Variants in SLC35D4 observed in about 807,000 individuals in gnomAD.
The protein encoded by SLC35D4 is UDP-N-acetylglucosamine transporter SLC35D4.
the SLC35D4 span, among the ~76,000 whole-genome samples, chr18:23,269,977 G>T: frequency 1.3e-5 from 2 of 152,224 alleles, no homozygotes; most frequent in Non-Finnish European, 2.9e-5. Flanking sequence ...ATAAATTCAA[G>T]CTAGCTGTAT....
At chr18:23,250,519 C>G in the SLC35D4 span, among the ~76,000 whole-genome samples, 2 of 152,144 alleles carry the variant, frequency 1.3e-5, no homozygotes, top group Admixed American at 1.3e-4. Flanking sequence ...CCAGAGGAGA[C>G]ATTTGTTGGA....
chr18:23,421,632 G>A, the SLC35D4 span, among the ~76,000 whole-genome samples: 8 of 150,020 alleles, frequency 5.3e-5, no homozygotes, highest in Admixed American at 2.7e-4. Context: ...ATTTCCTTGA[G>A]TCCAGCTGTC....
chr18:23,359,781 C>T, the SLC35D4 span, among the ~76,000 whole-genome samples: 4 of 152,242 alleles, frequency 2.6e-5, no homozygotes, highest in African/African-American at 7.2e-5. Flanking sequence ...CCTCTTGTTC[C>T]GTGAAATTCT....
the SLC35D4 span, among the ~76,000 whole-genome samples, chr18:23,367,761 CT>C: frequency 3.3e-3 from 482 of 146,036 alleles, no homozygotes; most frequent in African/African-American, 0.01. Flanking sequence ...GCCCTGGATA[CT>C]TTTTTTTTTT....
At chr18:23,244,638 C>T in the SLC35D4 span, among the ~76,000 whole-genome samples, 4 of 152,206 alleles carry the variant, frequency 2.6e-5, no homozygotes, top group South Asian at 2.1e-4. Context: ...GCCCGAATGC[C>T]GGTATACAAG....
chr18:23,274,711 G>A, the SLC35D4 span, among the ~76,000 whole-genome samples: 1 of 152,292 alleles, frequency 6.6e-6, no homozygotes, highest in Admixed American at 6.5e-5. Flanking sequence ...TGTGTCCAGT[G>A]CACGCAAGGG....
chr18:23,266,230 G>C, the SLC35D4 span, among the ~76,000 whole-genome samples: 8 of 152,144 alleles, frequency 5.3e-5, no homozygotes, highest in South Asian at 6.2e-4. Context: ...TAGGCAGACC[G>C]TGCGGCCTTA....
At chr18:23,265,612 T>G in the SLC35D4 span, among the ~76,000 whole-genome samples, 6 of 150,314 alleles carry the variant, frequency 4.0e-5, no homozygotes, top group South Asian at 1.1e-3. Flanking sequence ...GACCCTGGCC[T>G]TGAAGCAGCC....
chr18:23,240,511 C>G, the SLC35D4 span, among the ~76,000 whole-genome samples: 2 of 152,236 alleles, frequency 1.3e-5, no homozygotes, highest in African/African-American at 2.4e-5. Flanking sequence ...GTGGAATGCC[C>G]TCTTTGAGGG....
At chr18:23,308,825 G>C in the SLC35D4 span, among the ~76,000 whole-genome samples, 2 of 150,588 alleles carry the variant, frequency 1.3e-5, no homozygotes, top group Non-Finnish European at 2.9e-5. Flanking sequence ...GAAATGGAAA[G>C]ACACCCAAAC....
the SLC35D4 span, among the ~76,000 whole-genome samples, chr18:23,254,605 G>A: frequency 6.6e-6 from 1 of 152,174 alleles, no homozygotes; most frequent in Non-Finnish European, 1.5e-5. Flanking sequence ...AATGACAAAT[G>A]TATTTCTCAT....
At chr18:23,356,785 T>C in the SLC35D4 span, 10 of 744,264 alleles carry the variant, frequency 1.3e-5, no homozygotes, top group East Asian at 1.1e-4. The surrounding 1 kb of genome is among the most constrained non-coding windows in gnomAD (Gnocchi z 4.1). Flanking sequence ...TCCCCTGGCA[T>C]TGAATTCACT....
At chr18:23,374,555 G>A in the SLC35D4 span, among the ~76,000 whole-genome samples, 3 of 149,738 alleles carry the variant, frequency 2.0e-5, no homozygotes, top group Non-Finnish European at 4.4e-5. Context: ...GCACGATCTC[G>A]GCTCACCATA....
chr18:23,310,966 A>C, the SLC35D4 span, among the ~76,000 whole-genome samples: 33 of 152,230 alleles, frequency 2.2e-4, no homozygotes, highest in African/African-American at 6.0e-4. Context: ...GCCCAGCCAG[A>C]CAGACAATTA....
chr18:23,352,962 C>T, the SLC35D4 span, among the ~76,000 whole-genome samples: 1 of 152,190 alleles, frequency 6.6e-6, no homozygotes, highest in African/African-American at 2.4e-5. Flanking sequence ...ATGTAGTTGC[C>T]TGTGCTGCAA....
chr18:23,297,142 T>C, the SLC35D4 span: 1 of 152,238 alleles, frequency 6.6e-6, no homozygotes, highest in Non-Finnish European at 1.5e-5. Flanking sequence ...TGTGAGGTAA[T>C]GCATTTGTGA....
At chr18:23,427,421 CTCA>C in the SLC35D4 span, among the ~76,000 whole-genome samples, 2 of 152,086 alleles carry the variant, frequency 1.3e-5, no homozygotes, top group African/African-American at 2.4e-5. Flanking sequence ...TGAAAAAATG[CTCA>C]TCATCACTGG....
the SLC35D4 span, among the ~76,000 whole-genome samples, chr18:23,312,802 C>T: frequency 6.6e-6 from 1 of 152,110 alleles, no homozygotes; most frequent in African/African-American, 2.4e-5. Flanking sequence ...TGCCGCAGAG[C>T]CTGGCTCAGT....
the SLC35D4 span, among the ~76,000 whole-genome samples, chr18:23,348,608 T>C: frequency 6.6e-6 from 1 of 152,240 alleles, no homozygotes; most frequent in South Asian, 2.1e-4. Context: ...CTAGTAATAT[T>C]TCCTGTTATA....
Sources: allele counts gnomAD v4.1 joint callset (sites outside exome capture counted in the v4.1 genomes callset), GRCh38; gene constraint gnomAD v4.1.1; non-coding constraint Gnocchi (gnomAD v3.1); transcripts MANE v1.5; gene names NCBI Gene and HGNC (gene_info 2026-07-23, HGNC 2026-07-21).